PRELID3A: variants seen among roughly 807,000 people sequenced by gnomAD.
The protein encoded by PRELID3A is PRELI domain containing protein 3A.
In PRELID3A, 27 loss-of-function variants were observed where a neutral mutation model predicts 23.0. The observed-to-expected ratio is 1.17, with a 90% confidence interval of 0.87 to 1.62. The LOEUF (loss-of-function observed/expected upper bound fraction) is 1.62, where lower values mean the gene tolerates loss of function less well. Ranked by LOEUF, PRELID3A falls within the 40% of genes most tolerant of loss-of-function variation. The probability of loss-of-function intolerance (pLI) is 0.00; values close to 1 mark genes in which losing one functional copy is unlikely to be tolerated. For synonymous variants in PRELID3A, 87 were observed against 86.4 expected (o/e 1.01, Z -0.04); for missense variants, 231 against 231.4 (o/e 1.00, Z 0.01).
At chr18:12,417,994 G>A (rs1011076308) in intron 1 of PRELID3A, among the ~76,000 whole-genome samples, 1 of 152,208 alleles carries the variant, frequency 6.6e-6, no homozygotes, top group African/African-American at 2.4e-5. Flanking sequence ...AATAGAACAG[G>A]TTAGGGAGCT....
At chr18:12,415,744 A>G (rs548009350) in intron 1 of PRELID3A, among the ~76,000 whole-genome samples, 135 of 152,264 alleles carry the variant, frequency 8.9e-4, no homozygotes, top group Non-Finnish European at 1.2e-3. Flanking sequence ...CCCAGACATC[A>G]TGTAATTTCC....
Position 12,427,119 on chromosome 18 carries a change from A to G in PRELID3A, c.362+8A>G, listed in dbSNP as rs7228666. 0.04 allele frequency: 63,649 copies of G among 1,610,860 alleles called. 2,823 individuals carry two copies. The highest frequency in any genetic ancestry group is 0.21 in the African/African-American group (16,014 of 74,834). On this transcript the variant is annotated splice_region_variant and intron_variant, in intron 4 of 6. Transcript: ENST00000440960. ...TCCAGAGAACCCAGAAATGTGAGTCATCTCCTGTGGGATTGACACATTGAA... is the reference window on the plus strand; with the variant it reads ...TCCAGAGAACCCAGAAATGTGAGTCGTCTCCTGTGGGATTGACACATTGAA...
At position 12,420,512 on chromosome 18, in the gene PRELID3A, G is replaced by T; in HGVS notation, c.201+19G>T. 8.6e-6 allele frequency: 13 copies of T among 1,503,390 alleles called. No homozygotes were observed. Among genetic ancestry groups the T allele is most frequent in the Non-Finnish European group, 1.2e-5 (13 of 1,126,172 alleles). The allele number at this position is 1,503,390 out of a possible 1,614,324, so 93.1% of individuals were successfully genotyped here. On this transcript the variant is annotated intron_variant, in intron 2 of 6. Coordinates refer to ENST00000440960, the MANE Select transcript of PRELID3A (RefSeq NM_001142405.2). Reference sequence around the variant, plus strand: ...GAGAGCGGTGAGCGGGGCGGGGGCTGCGGCTCCGAACGCGCCCGACTCCCC... The same window carrying T: ...GAGAGCGGTGAGCGGGGCGGGGGCTTCGGCTCCGAACGCGCCCGACTCCCC...
chr18:12,429,551 C>A, intron 6 of PRELID3A, 115 bp downstream of exon 6: 1 of 621,872 alleles, frequency 1.6e-6, no homozygotes, highest in Admixed American at 2.8e-5. Context: ...GCTCTCCAGC[C>A]CGGAGCTCCT....
In PRELID3A at chr18:12,420,135, G is replaced by GC. The variant is rs1016356570; in HGVS notation, c.33-188dup. The GC allele has an allele frequency of 1.1e-4, 151 of 1,426,266 alleles. No individual in the cohort carries two copies. In the Admixed American group the frequency reaches 1.4e-3, roughly 13 times the overall value. 88.4% of individuals were successfully genotyped at this position (1,426,266 alleles called of 1,614,324 possible). A position where few individuals can be genotyped will look rare whatever the true frequency, so the allele number is the denominator to read the frequency against. ...AACAAAAACCAAGGGGCTGCCAGGTGCCGAGGCGTGCAGGTGCTGAGCCGG... is the reference window on the plus strand; with the variant it reads ...AACAAAAACCAAGGGGCTGCCAGGTGCCCGAGGCGTGCAGGTGCTGAGCCGG... On this transcript the variant is annotated intron_variant, in intron 1 of 6. Coordinates refer to ENST00000440960, the MANE Select transcript of PRELID3A (RefSeq NM_001142405.2).
intron 2 of PRELID3A, chr18:12,421,219 T>TG (rs2030171055): frequency 3.1e-6 from 1 of 319,106 alleles, no homozygotes; most frequent in Non-Finnish European, 5.8e-6. Flanking sequence ...AGCACTATGG[T>TG]GGTACCTTCC....
chr18:12,420,511 T>C lies in PRELID3A; in HGVS notation c.201+18T>C. ...TGAGAGCGGTGAGCGGGGCGGGGGC[T>C]GCGGCTCCGAACGCGCCCGACTCCC... On this transcript the variant is annotated intron_variant, in intron 2 of 6. Transcript: ENST00000440960. 1 of 1,503,646 alleles carries C rather than the reference T, an allele frequency of 6.7e-7. No individual in the cohort carries two copies. Among genetic ancestry groups the C allele is most frequent in the Non-Finnish European group, 8.9e-7 (1 of 1,126,248 alleles). The allele number at this position is 1,503,646 out of a possible 1,614,324, so 93.1% of individuals were successfully genotyped here.
chr18:12,430,161 C>G (rs2143407946), intron 6 of PRELID3A, among the ~76,000 whole-genome samples: 1 of 152,336 alleles, frequency 6.6e-6, no homozygotes, highest in East Asian at 1.9e-4. Flanking sequence ...CCACACTTTG[C>G]TCTCCTTGAA....
chr18:12,424,707 T>A (rs575826230), intron 3 of PRELID3A, among the ~76,000 whole-genome samples: 4 of 152,238 alleles, frequency 2.6e-5, no homozygotes, highest in Non-Finnish European at 5.9e-5. Context: ...TTTCACTGTT[T>A]AAACTTTTTA....
chr18:12,419,635 AAATT>A (rs1302225550), intron 1 of PRELID3A, among the ~76,000 whole-genome samples: 2 of 149,906 alleles, frequency 1.3e-5, no homozygotes, highest in African/African-American at 4.9e-5. Flanking sequence ...TCTCAAAAAA[AAATT>A]AATTAATTTA....
chr18:12,429,310 G>T lies in PRELID3A; in HGVS notation c.466-40G>T, dbSNP rs763551606. 1.9e-6 allele frequency: 3 copies of T among 1,594,304 alleles called. No individual in the cohort carries two copies. In the Admixed American group the frequency reaches 5.0e-5, roughly 27 times the overall value. ...TCGCTTGCTGTCTGCAGCGGGAGGC[G>T]GGACGACCCACTCAGTGCTGAAATC... On this transcript the variant is annotated intron_variant, in intron 5 of 6. Coordinates refer to ENST00000440960, the MANE Select transcript of PRELID3A (RefSeq NM_001142405.2).
intron 6 of PRELID3A, among the ~76,000 whole-genome samples, chr18:12,429,827 C>T (rs2030507378): frequency 6.6e-6 from 1 of 152,234 alleles, no homozygotes; most frequent in Non-Finnish European, 1.5e-5. Flanking sequence ...TGAGCGAGGT[C>T]CTGTGCCCAC....
chr18:12,421,667 G>T (rs145437237), intron 3 of PRELID3A, 38 bp downstream of exon 3: 2 of 1,402,338 alleles, frequency 1.4e-6, no homozygotes, highest in Admixed American at 3.4e-5. Context: ...GGCTCAGTGT[G>T]TCTGGGTGGT....
rs753626892 is a variant in PRELID3A, at chr18:12,427,329, T to C, written c.465+6T>C. On this transcript the variant is annotated splice_donor_region_variant and intron_variant, in intron 5 of 6. Transcript: ENST00000440960. ...TATCATCCAATGCAAAGAAGGTATG[T>C]ATCTCAATCCTAGGAGTCCTGTGTG... The C allele has an allele frequency of 6.3e-7, 1 of 1,588,036 alleles. No homozygotes were observed. Among genetic ancestry groups the C allele is most frequent in the South Asian group, 1.1e-5 (1 of 90,140 alleles).
intron 2 of PRELID3A, 141 bp downstream of exon 2, chr18:12,420,634 T>G: frequency 8.1e-6 from 5 of 616,458 alleles, no homozygotes; most frequent in Non-Finnish European, 6.8e-6. Flanking sequence ...GGGGGGCCTT[T>G]CCTGAGATCA....
At chr18:12,429,489 G>C in intron 6 of PRELID3A, 53 bp downstream of exon 6, 1 of 1,183,454 alleles carries the variant, frequency 8.4e-7, no homozygotes, top group Admixed American at 1.8e-5. Flanking sequence ...CTTGTGACCC[G>C]TGTGCATGGT....
intron 6 of PRELID3A, 44 bp downstream of exon 6, chr18:12,429,480 T>C (rs888054211): frequency 2.4e-5 from 32 of 1,319,820 alleles, no homozygotes; most frequent in Non-Finnish European, 3.5e-5. Context: ...TTGCAGCCTC[T>C]TGTGACCCGT....
intron 1 of PRELID3A, chr18:12,420,058 C>T (rs969971203): frequency 4.9e-6 from 6 of 1,229,812 alleles, no homozygotes; most frequent in Non-Finnish European, 5.4e-6. Flanking sequence ...ACCCTGATGG[C>T]ACCACTGCAT....
intron 6 of PRELID3A, among the ~76,000 whole-genome samples, chr18:12,430,866 G>A (rs1026625678): frequency 6.6e-6 from 1 of 150,596 alleles, no homozygotes; most frequent in Non-Finnish European, 1.5e-5. Context: ...TGTGTGATGT[G>A]TATGTGTGCT....
Sources: allele counts gnomAD v4.1 joint callset (sites outside exome capture counted in the v4.1 genomes callset), GRCh38; gene constraint gnomAD v4.1.1; transcripts MANE v1.5; gene names NCBI Gene and HGNC (gene_info 2026-07-23, HGNC 2026-07-21).